Variants in RPH3A observed in about 807,000 individuals in gnomAD.
The protein encoded by RPH3A is rabphilin 3A.
In RPH3A, 48 loss-of-function variants were observed where a neutral mutation model predicts 102.2. That is an observed-to-expected ratio of 0.47 (90% CI 0.37 to 0.60). The LOEUF (loss-of-function observed/expected upper bound fraction) is 0.60, where lower values mean the gene tolerates loss of function less well. Among genes scored for constraint, RPH3A ranks in the 20% least tolerant of loss-of-function variants. The pLI is 0.00. For synonymous variants in RPH3A, 310 were observed against 324.3 expected (o/e 0.96, Z 0.47); for missense variants, 781 against 910.1 (o/e 0.86, Z 1.83).
At chr12:112,823,653 T>C (rs1164974237) in intron 2 of RPH3A, among the ~76,000 whole-genome samples, 1 of 152,224 alleles carries the variant, frequency 6.6e-6, no homozygotes, top group Non-Finnish European at 1.5e-5. Flanking sequence ...TATGTGACAC[T>C]TACATTTATA....
At chr12:112,677,423 TTCCTTCCTTCCTTCCTTCCTTCC>T (rs1566254472) in intron 1 of RPH3A, among the ~76,000 whole-genome samples, 23 of 31,952 alleles carry the variant, frequency 7.2e-4, no homozygotes, top group African/African-American at 2.3e-3. Context: ...CCCTCCTTCC[TTCCTTCCTTCCTTCCTTCCTTCC>T]TTCCTTCCTT....
At chr12:112,891,493 A>G (rs917923104) in intron 19 of RPH3A, among the ~76,000 whole-genome samples, 1 of 152,236 alleles carries the variant, frequency 6.6e-6, no homozygotes, top group Non-Finnish European at 1.5e-5. Context: ...TCCTCTGAGA[A>G]GAAGATGCCA....
chr12:112,712,168 G>A, intron 1 of RPH3A, among the ~76,000 whole-genome samples: 1 of 152,146 alleles, frequency 6.6e-6, no homozygotes, highest in East Asian at 1.9e-4. Flanking sequence ...TTTTGGTTCT[G>A]TCATCTGAAT....
At position 112,717,726 on chromosome 12, in the gene RPH3A, A is replaced by ATT. The variant is rs58732893; in HGVS notation, c.-139-74403_-139-74402dup. On this transcript the variant is annotated intron_variant, in intron 1 of 21. Coordinates refer to the RPH3A transcript ENST00000543106. ...TGGTTTTGTGTGAATATAGGTTTTC[A>ATT]TTTTTTTTTTTTTTTGGGTAATACC... is the stretch of plus-strand genomic sequence containing the variant. Among the ~76,000 whole-genome samples, 1,231 of 137,548 alleles carry ATT rather than the reference A, an allele frequency of 8.9e-3. 15 individuals carry two copies. The highest frequency in any genetic ancestry group is 0.03 in the African/African-American group (1,143 of 37,818). 90.2% of individuals were successfully genotyped at this position (137,548 alleles called of 152,430 possible).
At chr12:112,775,210 T>TAAAAAC (rs1278029937) in intron 1 of RPH3A, among the ~76,000 whole-genome samples, 6 of 151,512 alleles carry the variant, frequency 4.0e-5, no homozygotes, top group Admixed American at 6.6e-5. Context: ...ACCCCAGAAC[T>TAAAAAC]AAAAACAAAA....
intron 1 of RPH3A, among the ~76,000 whole-genome samples, chr12:112,747,894 C>T (rs758169785): frequency 1.3e-5 from 2 of 152,212 alleles, no homozygotes; most frequent in African/African-American, 2.4e-5. Context: ...GCAGCTCTTC[C>T]ATCCTCAACG....
intron 2 of RPH3A, among the ~76,000 whole-genome samples, chr12:112,816,590 C>T (rs1444865483): frequency 6.6e-6 from 1 of 152,180 alleles, no homozygotes; most frequent in Non-Finnish European, 1.5e-5. Context: ...GTCATGTGGC[C>T]ACTCCCAGCT....
chr12:112,599,067 G>A (rs1184107849), intron 1 of RPH3A, among the ~76,000 whole-genome samples: 1 of 152,160 alleles, frequency 6.6e-6, no homozygotes, highest in South Asian at 2.1e-4. Flanking sequence ...TTGTCTGCTA[G>A]GCATTCTGCT....
chr12:112,830,484 A>G (rs972272860), intron 3 of RPH3A, among the ~76,000 whole-genome samples: 1 of 152,208 alleles, frequency 6.6e-6, no homozygotes, highest in Non-Finnish European at 1.5e-5. Flanking sequence ...CATAAGAAAA[A>G]TGTGCATTCT....
At chr12:112,582,690 G>C (rs1242500095) in intron 1 of RPH3A, among the ~76,000 whole-genome samples, 1 of 142,478 alleles carries the variant, frequency 7.0e-6, no homozygotes. Flanking sequence ...TTGAACTCTT[G>C]GGCTGAAGTG....
rs2041217310 is a variant in RPH3A at position 112,795,841 on chromosome 12, C to T, written c.-19+3578C>T. Among the ~76,000 whole-genome samples the T allele has an allele frequency of 2.0e-5, 3 of 152,150 alleles. No individual in the cohort carries two copies. In the South Asian group the frequency reaches 6.2e-4, roughly 32 times the overall value. The stretch of plus-strand genomic sequence containing the variant: ...TTTAAGAGTTAATGATCACTTTATA[C>T]TGAGTCTGGCAAGGAGTAAATATCC... On this transcript the variant is annotated intron_variant, in intron 2 of 21. Coordinates refer to ENST00000389385, the MANE Select transcript of RPH3A (RefSeq NM_001143854.2).
intron 1 of RPH3A, among the ~76,000 whole-genome samples, chr12:112,575,907 C>T (rs1172973105): frequency 6.6e-6 from 1 of 152,180 alleles, no homozygotes; most frequent in Non-Finnish European, 1.5e-5. Flanking sequence ...CGTCTCCGCC[C>T]CTCACCCCAA....
At chr12:112,662,619 C>A (rs1044346448) in intron 1 of RPH3A, among the ~76,000 whole-genome samples, 1 of 152,198 alleles carries the variant, frequency 6.6e-6, no homozygotes, top group Non-Finnish European at 1.5e-5. Flanking sequence ...TATATGGTTT[C>A]TCTCTCAATT....
chr12:112,875,137 C>A lies in RPH3A; in HGVS notation c.850C>A (p.Gln284Lys). ...QASRPAPGSV[Q>K]SPAPPQPGQP... ...CTCCAGACCTGCCCCAGGCTCGGTGCAGAGCCCAGCGCCACCTCAGCCTGG... is the reference window on the plus strand; with the variant it reads ...CTCCAGACCTGCCCCAGGCTCGGTGAAGAGCCCAGCGCCACCTCAGCCTGG... Residue 284 changes from glutamine to lysine, a missense_variant, in exon 11 of 22, where the codon CAG (glutamine) becomes AAG (lysine). Coordinates refer to ENST00000389385, the MANE Select transcript of RPH3A (RefSeq NM_001143854.2). The A allele has an allele frequency of 6.2e-7, 1 of 1,608,970 alleles. No individual in the cohort carries two copies. The highest frequency in any genetic ancestry group is 1.7e-5 in the Admixed American group (1 of 59,560).
In RPH3A at chr12:112,853,007, C is replaced by T. The variant is rs143577470; in HGVS notation, c.230+5165C>T. On this transcript the variant is annotated intron_variant, in intron 5 of 21. Transcript: ENST00000389385. ...AATTAGGATTTGTCATTAACCTTGG[C>T]ATCCAGACGCCGTGATGGAGGAGGA... 7.2e-5 allele frequency among the ~76,000 whole-genome samples: 11 copies of T among 152,318 alleles called. No individual in the cohort carries two copies. The East Asian group carries it at 2.1e-3, about 29-fold the overall frequency.
rs576637269 is a variant in RPH3A, at chr12:112,883,022, T to A, written c.1327-271T>A. 1.3e-5 allele frequency among the ~76,000 whole-genome samples: 2 copies of A among 152,282 alleles called. 1 individual carries two copies. The highest frequency in any genetic ancestry group is 3.9e-4 in the East Asian group (2 of 5,180). ...TAAATGATTTCTTCTCAAAGGAAGA[T>A]GTCTCTGCTTTCTTAAGGGAAAGTT... is the stretch of plus-strand genomic sequence containing the variant. On this transcript the variant is annotated intron_variant, in intron 15 of 21. Transcript: ENST00000389385.
rs2043214862 is a variant in RPH3A, at chr12:112,898,054, GTC to G, written c.*1280_*1281del. 1 of 152,186 alleles carries G rather than the reference GTC, an allele frequency of 6.6e-6. No individual in the cohort carries two copies. The highest frequency in any genetic ancestry group is 2.1e-4 in the South Asian group (1 of 4,804). The allele number at this position is 152,186 out of a possible 1,614,324, so 9.4% of individuals were successfully genotyped here. On this transcript the variant is annotated 3_prime_UTR_variant, in exon 22 of 22. Coordinates refer to ENST00000389385, the MANE Select transcript of RPH3A (RefSeq NM_001143854.2). ...CATCTCTCACTCAGAACCCCCTCCAGTCTCTCTGTCTCTCTTTGTCTGTCTCT... is the reference window on the plus strand; with the variant it reads ...CATCTCTCACTCAGAACCCCCTCCAGTCTCTGTCTCTCTTTGTCTGTCTCT...
rs1017408995 is a variant in RPH3A at position 112,621,955 on chromosome 12, C to A, written c.-140+46636C>A. On this transcript the variant is annotated intron_variant, in intron 1 of 21. Transcript: ENST00000543106. ...ACCCCCCAGCAGGGGCACACTGACA[C>A]CTCACACGGCAGGGTATTCCAACAG... Among the ~76,000 whole-genome samples, 900 of 150,736 alleles carry A rather than the reference C, an allele frequency of 6.0e-3. 3 individuals are homozygous for A. Among genetic ancestry groups the A allele is most frequent in the Non-Finnish European group, 8.5e-3 (573 of 67,548 alleles).
rs114301367 is a variant in RPH3A at position 112,855,649 on chromosome 12, C to T, written c.230+7807C>T. Among the ~76,000 whole-genome samples, 752 of 152,318 alleles carry T rather than the reference C, an allele frequency of 4.9e-3. 4 individuals are homozygous for T. The highest frequency in any genetic ancestry group is 0.017 in the African/African-American group (712 of 41,560). ...GCCCTGCATGCCAGCGTGTGTCTTCCTGATGGAGCAGCTCAGTCATTTAAG... is the reference window on the plus strand; with the variant it reads ...GCCCTGCATGCCAGCGTGTGTCTTCTTGATGGAGCAGCTCAGTCATTTAAG... On this transcript the variant is annotated intron_variant, in intron 5 of 21. Transcript: ENST00000389385.
Sources: allele counts gnomAD v4.1 joint callset (sites outside exome capture counted in the v4.1 genomes callset), GRCh38; gene constraint gnomAD v4.1.1; transcripts MANE v1.5; gene names NCBI Gene and HGNC (gene_info 2026-07-23, HGNC 2026-07-21).